Variants in KCNMA1 observed in about 807,000 individuals in gnomAD.
The protein encoded by KCNMA1 is Calcium-activated potassium channel subunit alpha-1.
A neutral mutation model predicts 140.0 loss-of-function variants in KCNMA1; 29 were observed. The ratio of observed to expected loss-of-function variants is 0.21; its 90% CI spans 0.15 to 0.28. The LOEUF (loss-of-function observed/expected upper bound fraction) is 0.28, where lower values mean the gene tolerates loss of function less well. Ranked by LOEUF, KCNMA1 falls within the 10% of genes least tolerant of loss-of-function variation. The probability of loss-of-function intolerance (pLI) is 1.00; values close to 1 mark genes in which losing one functional copy is unlikely to be tolerated. For missense variants in KCNMA1, 880 were observed against 1,602.2 expected (o/e 0.55, Z 7.70); for synonymous variants, 612 against 611.9 (o/e 1.00, Z 0.00).
At chr10:76,892,008 G>A (rs2040296161) in intron 25 of KCNMA1, among the ~76,000 whole-genome samples, 1 of 152,050 alleles carries the variant, frequency 6.6e-6, no homozygotes, top group South Asian at 2.1e-4. Context: ...ATTGGTTTTA[G>A]TAGGGATACA....
intron 3 of KCNMA1, among the ~76,000 whole-genome samples, chr10:77,215,825 T>C (rs923533210): frequency 6.6e-6 from 1 of 152,006 alleles, no homozygotes; most frequent in Non-Finnish European, 1.5e-5. Flanking sequence ...GGGATTAATG[T>C]CCTTGTAAGA....
chr10:77,185,206 T>C (rs1346487915), intron 3 of KCNMA1, among the ~76,000 whole-genome samples: 1 of 151,992 alleles, frequency 6.6e-6, no homozygotes, highest in East Asian at 1.9e-4. Flanking sequence ...AAGAGGATCA[T>C]GCAGATACCC....
chr10:77,004,945 T>C (rs2087889641), intron 18 of KCNMA1, among the ~76,000 whole-genome samples: 1 of 152,216 alleles, frequency 6.6e-6, no homozygotes, highest in Admixed American at 6.5e-5. Context: ...AATTTCAGGA[T>C]TTATTTCAAA....
At chr10:77,089,794 A>C (rs2096773423) in intron 10 of KCNMA1, among the ~76,000 whole-genome samples, 1 of 152,184 alleles carries the variant, frequency 6.6e-6, no homozygotes, top group Admixed American at 6.5e-5. Flanking sequence ...AGCTTAAGTA[A>C]CTTGCTCAGC....
chr10:77,506,596 A>AGAGAGAGAGTGTGTGTGTGTGTGTGT lies in KCNMA1; in HGVS notation c.379-102574_379-102573insACACACACACACACACACTCTCTCTC. 1.1e-3 allele frequency among the ~76,000 whole-genome samples: 96 copies of AGAGAGAGAGTGTGTGTGTGTGTGTGT among 83,534 alleles called. 7 individuals carry two copies. The highest frequency in any genetic ancestry group is 1.7e-3 in the Admixed American group (14 of 8,112). 54.8% of individuals were successfully genotyped at this position (83,534 alleles called of 152,430 possible). Reference sequence around the variant, plus strand: ...TAGAGAGAGAGAGAGAGAGAGAGAGAGTGTGTGTGTGTGTGTGTGTGTGTT... The same window carrying AGAGAGAGAGTGTGTGTGTGTGTGTGT: ...TAGAGAGAGAGAGAGAGAGAGAGAGAGAGAGAGAGTGTGTGTGTGTGTGTGTGTGTGTGTGTGTGTGTGTGTGTGTT... On this transcript the variant is annotated intron_variant, in intron 1 of 27. Transcript: ENST00000286628.
chr10:77,428,176 C>T (rs540319515), intron 1 of KCNMA1, among the ~76,000 whole-genome samples: 1 of 152,288 alleles, frequency 6.6e-6, no homozygotes, highest in South Asian at 2.1e-4. Context: ...GACAATGCCC[C>T]TCTCTACAGG....
intron 1 of KCNMA1, among the ~76,000 whole-genome samples, chr10:77,587,381 A>G (rs1258854698): frequency 6.6e-6 from 1 of 152,190 alleles, no homozygotes; most frequent in Non-Finnish European, 1.5e-5. Context: ...TCCAAGCATT[A>G]TAATGAGAAA....
chr10:77,308,655 C>T (rs1029623482), intron 2 of KCNMA1, among the ~76,000 whole-genome samples: 1 of 152,136 alleles, frequency 6.6e-6, no homozygotes, highest in African/African-American at 2.4e-5. Context: ...GAGACATGAC[C>T]AAAATGGCAG....
At chr10:77,603,027 A>T (rs559465518) in intron 1 of KCNMA1, among the ~76,000 whole-genome samples, 1 of 152,160 alleles carries the variant, frequency 6.6e-6, no homozygotes, top group South Asian at 2.1e-4. Flanking sequence ...AACAGCTGAC[A>T]CCATCGTCTA....
At chr10:77,471,545 C>G (rs574496209) in intron 1 of KCNMA1, among the ~76,000 whole-genome samples, 1 of 151,144 alleles carries the variant, frequency 6.6e-6, no homozygotes, top group Non-Finnish European at 1.5e-5. Flanking sequence ...ACACACTACA[C>G]ACACACCATA....
At chr10:77,578,684 G>GCT (rs1050335536) in intron 1 of KCNMA1, among the ~76,000 whole-genome samples, 1 of 152,154 alleles carries the variant, frequency 6.6e-6, no homozygotes, top group African/African-American at 2.4e-5. Context: ...GCCGCCAAGG[G>GCT]CTCTGCCTCT....
Position 77,488,707 on chromosome 10 carries a change from A to T in KCNMA1, c.379-84684T>A, listed in dbSNP as rs1014778092. Among the ~76,000 whole-genome samples the T allele has an allele frequency of 2.6e-5, 4 of 152,142 alleles. No homozygotes were observed. The South Asian group carries it at 8.3e-4, about 31-fold the overall frequency. ...AGGGGTGACGAGGAGACAGCACCTC[A>T]GCCCTGGAAGGTACCATGTCCAAGT... On this transcript the variant is annotated intron_variant, in intron 1 of 27. Transcript: ENST00000286628.
At chr10:76,935,330 C>T (rs1478038644) in intron 23 of KCNMA1, among the ~76,000 whole-genome samples, 2 of 152,230 alleles carry the variant, frequency 1.3e-5, no homozygotes, top group African/African-American at 4.8e-5. Flanking sequence ...GCCCCCATGA[C>T]CCTTGAAAGT....
Position 77,086,738 on chromosome 10 carries a change from GACTC to G in KCNMA1, c.1335-149_1335-146del. 5.8e-6 allele frequency: 4 copies of G among 693,610 alleles called. No individual in the cohort carries two copies. The Middle Eastern group carries it at 9.5e-4, about 165-fold the overall frequency. The allele number at this position is 693,610 out of a possible 1,614,324, so 43.0% of individuals were successfully genotyped here. A position where few individuals can be genotyped will look rare whatever the true frequency, so the allele number is the denominator to read the frequency against. On this transcript the variant is annotated intron_variant, in intron 10 of 27. Coordinates refer to ENST00000286628, the MANE Select transcript of KCNMA1 (RefSeq NM_001161352.2). The stretch of plus-strand genomic sequence containing the variant: ...ACCCTTTTGCTTGCCATAAATAAAA[GACTC>G]ACACTCAAGAGAAGTAAAACCCCAG...
intron 3 of KCNMA1, among the ~76,000 whole-genome samples, chr10:77,215,371 T>A (rs1049258080): frequency 4.7e-5 from 7 of 149,770 alleles, no homozygotes; most frequent in Non-Finnish European, 8.9e-5. Context: ...TTGCACCTGT[T>A]TTGTTTTGTT....
intron 2 of KCNMA1, among the ~76,000 whole-genome samples, chr10:77,361,948 G>C (rs373313966): frequency 4.1e-4 from 62 of 152,216 alleles, no homozygotes; most frequent in Admixed American, 2.7e-3. Context: ...TTCTGACCCA[G>C]CCCAGACAAA....
At chr10:77,210,940 T>G (rs1021371885) in intron 3 of KCNMA1, among the ~76,000 whole-genome samples, 3 of 152,094 alleles carry the variant, frequency 2.0e-5, no homozygotes, top group South Asian at 2.1e-4. Context: ...GAAAAACATT[T>G]CATGCTCATG....
chr10:77,090,324 T>C lies in KCNMA1; in HGVS notation c.1334+76A>G. ...CAGTGCCATTCCCCAAGACCTCCAC[T>C]CTTACAGACATTCAGGGAGTCCCTC... On this transcript the variant is annotated intron_variant, in intron 10 of 27. Transcript: ENST00000286628. The C allele has an allele frequency of 3.9e-6, 4 of 1,015,442 alleles. No individual in the cohort carries two copies. The South Asian group carries it at 5.1e-5, about 13-fold the overall frequency. The allele number at this position is 1,015,442 out of a possible 1,614,324, so 62.9% of individuals were successfully genotyped here. A position where few individuals can be genotyped will look rare whatever the true frequency, so the allele number is the denominator to read the frequency against.
chr10:76,925,471 C>T (rs12572857), intron 23 of KCNMA1, among the ~76,000 whole-genome samples: 36,763 of 152,048 alleles, frequency 0.24, 5,457 homozygotes, highest in East Asian at 0.64. Flanking sequence ...CAAGGGGATA[C>T]TAATAAAACA....
Sources: allele counts gnomAD v4.1 joint callset (sites outside exome capture counted in the v4.1 genomes callset), GRCh38; gene constraint gnomAD v4.1.1; transcripts MANE v1.5; gene names NCBI Gene and HGNC (gene_info 2026-07-23, HGNC 2026-07-21).